CCDC152: variants seen among roughly 807,000 people sequenced by gnomAD.
CCDC152 encodes coiled-coil domain-containing protein 152.
Under a neutral mutation model 38.1 loss-of-function variants are expected in CCDC152, and 37 were observed. The ratio of observed to expected loss-of-function variants is 0.97; its 90% CI spans 0.75 to 1.28. The LOEUF is 1.28. Ranked by LOEUF, CCDC152 falls within the 50% of genes most tolerant of loss-of-function variation. CCDC152 has a pLI of 0.00. For synonymous variants in CCDC152, 83 were observed against 87.1 expected, an observed-to-expected ratio of 0.95 and a Z score of 0.26; for missense variants, 259 against 292.1, an observed-to-expected ratio of 0.89 and a Z score of 0.83.
intron 4 of CCDC152, among the ~76,000 whole-genome samples, chr5:42,777,659 G>T (rs1268771564): frequency 6.6e-6 from 1 of 152,046 alleles, no homozygotes; most frequent in African/African-American, 2.4e-5. Flanking sequence ...TTTCCTATCG[G>T]TTTCTCATCA....
chr5:42,759,280 G>A, intron 2 of CCDC152, 72 bp downstream of exon 2: 13 of 816,190 alleles, frequency 1.6e-5, no homozygotes, highest in Middle Eastern at 3.6e-4. Context: ...GAAGAAGTTG[G>A]GAAGAAAGAA....
At chr5:42,799,556 T>C in intron 8 of CCDC152, 98 bp downstream of exon 8, 1 of 1,181,930 alleles carries the variant, frequency 8.5e-7, no homozygotes. Context: ...ATAAGGTATT[T>C]TTTAAAATAC....
intron 4 of CCDC152, among the ~76,000 whole-genome samples, chr5:42,777,392 G>T (rs1027478223): frequency 5.9e-5 from 9 of 151,934 alleles, no homozygotes; most frequent in African/African-American, 2.2e-4. Flanking sequence ...AACCCAGGAG[G>T]GGGAGGTTGC....
chr5:42,791,004 TG>T (rs751197575), intron 6 of CCDC152, among the ~76,000 whole-genome samples: 4 of 152,186 alleles, frequency 2.6e-5, no homozygotes, highest in Non-Finnish European at 4.4e-5. Flanking sequence ...TGGTTCTTGT[TG>T]GCCTCTCTTC....
At chr5:42,765,756 TA>T (rs1759616066) in intron 3 of CCDC152, among the ~76,000 whole-genome samples, 1 of 152,086 alleles carries the variant, frequency 6.6e-6, no homozygotes, top group Non-Finnish European at 1.5e-5. Context: ...TATACAAAAA[TA>T]AAATCAAAAT....
chr5:42,768,992 A>C lies in CCDC152; in HGVS notation c.194-605A>C, dbSNP rs114854183. Among the ~76,000 whole-genome samples the C allele has an allele frequency of 4.3e-3, 659 of 152,286 alleles. 8 individuals are homozygous for C. The highest frequency in any genetic ancestry group is 0.015 in the African/African-American group (638 of 41,570). Reference sequence around the variant, plus strand: ...ACACCTATAGTCCCAGCATTTTAGGAGACCAAGGGGGGTGGATCACCTGAG... The same window carrying C: ...ACACCTATAGTCCCAGCATTTTAGGCGACCAAGGGGGGTGGATCACCTGAG... On this transcript the variant is annotated intron_variant, in intron 3 of 8. Coordinates refer to ENST00000361970, the MANE Select transcript of CCDC152 (RefSeq NM_001134848.2).
intron 4 of CCDC152, among the ~76,000 whole-genome samples, chr5:42,775,107 T>C (rs1687169194): frequency 6.7e-6 from 1 of 148,746 alleles, no homozygotes; most frequent in Non-Finnish European, 1.5e-5. Context: ...AAACACTTAA[T>C]GGGAATATCA....
chr5:42,779,619 C>A (rs141897336), intron 5 of CCDC152, 97 bp downstream of exon 5: 73 of 700,870 alleles, frequency 1.0e-4, no homozygotes, highest in Middle Eastern at 7.5e-4. Flanking sequence ...ATAAACACAG[C>A]CAAATGTTTG....
intron 6 of CCDC152, among the ~76,000 whole-genome samples, chr5:42,791,813 C>T (rs1426025052): frequency 1.7e-4 from 26 of 152,220 alleles, no homozygotes; most frequent in Admixed American, 1.6e-3. Context: ...CCTAGTCTTA[C>T]TTTCTATCTT....
intron 6 of CCDC152, among the ~76,000 whole-genome samples, chr5:42,786,737 G>T (rs879498735): frequency 6.6e-6 from 1 of 151,934 alleles, no homozygotes; most frequent in Non-Finnish European, 1.5e-5. Flanking sequence ...TAGGTGCAAC[G>T]TTGGGTTGTT....
intron 2 of CCDC152, among the ~76,000 whole-genome samples, chr5:42,760,719 A>G (rs1759541515): frequency 6.6e-6 from 1 of 152,212 alleles, no homozygotes; most frequent in South Asian, 2.1e-4. Context: ...CACAAATGTC[A>G]TAATGAAAGA....
Position 42,783,646 on chromosome 5 carries a change from G to A in CCDC152, c.430+70G>A, listed in dbSNP as rs139914393. 2.6e-3 allele frequency: 1,733 copies of A among 654,514 alleles called. 25 individuals are homozygous for A. In the African/African-American group the frequency reaches 0.031, roughly 12 times the overall value. The allele number at this position is 654,514 out of a possible 1,614,324, so 40.5% of individuals were successfully genotyped here. ...TATAATGTGTGGGTTTGTTACATGG[G>A]TATTTTGTATAATGCTGGTGTTTGG... On this transcript the variant is annotated intron_variant, in intron 6 of 8. Coordinates refer to ENST00000361970, the MANE Select transcript of CCDC152 (RefSeq NM_001134848.2).
At chr5:42,766,450 G>A (rs964847061) in intron 3 of CCDC152, among the ~76,000 whole-genome samples, 3 of 151,984 alleles carry the variant, frequency 2.0e-5, no homozygotes, top group Non-Finnish European at 4.4e-5. Flanking sequence ...GTATGTTAAA[G>A]AGAGATCTGC....
intron 6 of CCDC152, among the ~76,000 whole-genome samples, chr5:42,790,956 GTTAC>G (rs1449914598): frequency 5.9e-5 from 9 of 152,126 alleles, no homozygotes; most frequent in African/African-American, 1.9e-4. Context: ...ACTACACAGA[GTTAC>G]TTCTCTACAT....
rs192982089 is a variant in CCDC152, at chr5:42,779,119, G to T, written c.263-339G>T. ...TATCACTTAAATCTCGTCTCAAGTA[G>T]CTTCTCTTCTCTAAATCCTTTCCTG... On this transcript the variant is annotated intron_variant, in intron 4 of 8. Transcript: ENST00000361970. Among the ~76,000 whole-genome samples, 7 of 152,204 alleles carry T rather than the reference G, an allele frequency of 4.6e-5. No homozygotes were observed. The East Asian group carries it at 1.4e-3, about 29-fold the overall frequency.
chr5:42,774,661 T>C (rs35839850), intron 4 of CCDC152, among the ~76,000 whole-genome samples: 1,691 of 152,256 alleles, frequency 0.011, 10 homozygotes, highest in Non-Finnish European at 0.017. Flanking sequence ...GACCTAATCA[T>C]AGGACTATAG....
intron 6 of CCDC152, among the ~76,000 whole-genome samples, chr5:42,787,584 C>T (rs1004157684): frequency 1.3e-5 from 2 of 152,174 alleles, no homozygotes; most frequent in East Asian, 3.9e-4. Flanking sequence ...GTGTTGGGCA[C>T]AGTTAAATCA....
Position 42,802,389 on chromosome 5 carries a change from T to A in CCDC152, c.*2608T>A, listed in dbSNP as rs1020361679. The A allele has an allele frequency of 2.0e-5, 3 of 152,210 alleles. No individual in the cohort carries two copies. Among genetic ancestry groups the A allele is most frequent in the African/African-American group, 4.8e-5 (2 of 41,454 alleles). 9.4% of individuals were successfully genotyped at this position (152,210 alleles called of 1,614,324 possible). A position where few individuals can be genotyped will look rare whatever the true frequency, so the allele number is the denominator to read the frequency against. ...TCACTAAGTGATATGCTTTTGATGT[T>A]TTGAAGGTTTTAAAAGGTTATAAAT... On this transcript the variant is annotated 3_prime_UTR_variant, in exon 9 of 9. Coordinates refer to ENST00000361970, the MANE Select transcript of CCDC152 (RefSeq NM_001134848.2).
In CCDC152 at chr5:42,801,179, T is replaced by C; in HGVS notation, c.*1398T>C. 6.2e-7 allele frequency: 1 copy of C among 1,614,214 alleles called. No homozygotes were observed. Among genetic ancestry groups the C allele is most frequent in the Non-Finnish European group, 8.5e-7 (1 of 1,180,036 alleles). ...GATGAGTAGGAGCATTTGGTGCTCCTGGTTGCTGATTCTCTGAAAGCTCAC... is the reference window on the plus strand; with the variant it reads ...GATGAGTAGGAGCATTTGGTGCTCCCGGTTGCTGATTCTCTGAAAGCTCAC... On this transcript the variant is annotated 3_prime_UTR_variant, in exon 9 of 9. Coordinates refer to ENST00000361970, the MANE Select transcript of CCDC152 (RefSeq NM_001134848.2).
Sources: gnomAD v4.1 joint callset for allele counts (sites outside exome capture counted in the v4.1 genomes callset) on GRCh38, gnomAD v4.1.1 for gene constraint, MANE v1.5 for transcripts, NCBI Gene and HGNC (gene_info 2026-07-23, HGNC 2026-07-21) for gene names.